The following UST variants were observed in gnomAD, a reference collection of about 807,000 sequenced individuals.
UST encodes the protein uronyl 2-sulfotransferase, also known as chondroitin sulfate 2-O-sulfotransferase.
A neutral mutation model predicts 45.6 loss-of-function variants in UST; 21 were observed. The observed-to-expected ratio is 0.46, with a 90% confidence interval of 0.33 to 0.66. The LOEUF is 0.66. UST is among the 30% of genes least tolerant of loss of function. The pLI, the probability that UST is intolerant of heterozygous loss-of-function variation, is 0.02. For synonymous variants in UST, 215 were observed against 200.6 expected (o/e 1.07, Z -0.61); for missense variants, 463 against 512.4 (o/e 0.90, Z 0.93).
chr6:148,771,707 T>C (rs1317694990), intron 1 of UST, among the ~76,000 whole-genome samples: 1 of 152,236 alleles, frequency 6.6e-6, no homozygotes, highest in Admixed American at 6.5e-5. Context: ...CAACTGAGCC[T>C]GTCTGAACTT....
intron 7 of UST, among the ~76,000 whole-genome samples, chr6:149,060,529 A>G (rs1031743149): frequency 3.3e-5 from 5 of 152,188 alleles, no homozygotes; most frequent in African/African-American, 1.2e-4. Context: ...TAATTCAGGA[A>G]ATGAGTTTAC....
chr6:148,832,118 G>T (rs1777699603), intron 1 of UST, among the ~76,000 whole-genome samples: 1 of 152,202 alleles, frequency 6.6e-6, no homozygotes, highest in Admixed American at 6.5e-5. Flanking sequence ...AACCTCCTAA[G>T]TAGCTGGGAT....
At chr6:148,785,440 G>A (rs978475909) in intron 1 of UST, among the ~76,000 whole-genome samples, 14 of 152,184 alleles carry the variant, frequency 9.2e-5, no homozygotes, top group African/African-American at 3.4e-4. Context: ...AAAGGTTGTT[G>A]TGAGGGTTAA....
At chr6:149,016,762 T>A (rs1423168116) in intron 5 of UST, among the ~76,000 whole-genome samples, 1 of 152,174 alleles carries the variant, frequency 6.6e-6, no homozygotes, top group East Asian at 1.9e-4. Flanking sequence ...ATGTTCCCCA[T>A]CACTTTACTC....
At chr6:148,899,746 T>C (rs1402896568) in intron 2 of UST, among the ~76,000 whole-genome samples, 2 of 152,240 alleles carry the variant, frequency 1.3e-5, no homozygotes, top group Non-Finnish European at 2.9e-5. Context: ...GCCCTGCACG[T>C]CACTTTCTGC....
At chr6:148,788,160 T>C (rs1253224575) in intron 1 of UST, among the ~76,000 whole-genome samples, 1 of 152,158 alleles carries the variant, frequency 6.6e-6, no homozygotes, top group Non-Finnish European at 1.5e-5. Flanking sequence ...TTTCTTCTTA[T>C]CAAACCATCA....
At chr6:148,851,514 A>G (rs548979842) in intron 1 of UST, among the ~76,000 whole-genome samples, 91 of 152,222 alleles carry the variant, frequency 6.0e-4, no homozygotes, top group Non-Finnish European at 8.1e-4. Flanking sequence ...GCAAATCTCT[A>G]TGCATATATA....
chr6:148,974,917 C>T (rs1197491737), intron 5 of UST, among the ~76,000 whole-genome samples: 3 of 152,192 alleles, frequency 2.0e-5, no homozygotes, highest in Non-Finnish European at 2.9e-5. Flanking sequence ...TGTCCCGTTA[C>T]CCTCTGCAGA....
intron 1 of UST, among the ~76,000 whole-genome samples, chr6:148,796,165 G>A (rs1036917907): frequency 2.6e-5 from 4 of 152,182 alleles, no homozygotes; most frequent in Non-Finnish European, 5.9e-5. Context: ...GGATTGAGAT[G>A]AGAAGCATGG....
intron 1 of UST, among the ~76,000 whole-genome samples, chr6:148,813,934 C>T (rs1189254246): frequency 1.3e-5 from 2 of 152,128 alleles, no homozygotes; most frequent in Admixed American, 1.3e-4. Flanking sequence ...TCCACACCCC[C>T]CCTTTGCCAT....
intron 1 of UST, among the ~76,000 whole-genome samples, chr6:148,838,563 C>T (rs1008376943): frequency 2.6e-5 from 4 of 152,098 alleles, no homozygotes; most frequent in Admixed American, 1.3e-4. Context: ...GGTCCATAGA[C>T]GTCACTGTCA....
At chr6:148,899,225 A>C (rs1052890320) in intron 2 of UST, among the ~76,000 whole-genome samples, 2 of 147,408 alleles carry the variant, frequency 1.4e-5, no homozygotes, top group Non-Finnish European at 3.0e-5. Flanking sequence ...TCAGCCTCCC[A>C]AGTAGCTGGG....
chr6:149,006,190 C>G (rs1198614145), intron 5 of UST, among the ~76,000 whole-genome samples: 1 of 152,192 alleles, frequency 6.6e-6, no homozygotes, highest in African/African-American at 2.4e-5. Flanking sequence ...AACCCATCAC[C>G]TAGGTATTAA....
chr6:148,922,003 T>C (rs192245678), intron 2 of UST, among the ~76,000 whole-genome samples: 65 of 152,246 alleles, frequency 4.3e-4, no homozygotes, highest in Admixed American at 9.2e-4. Context: ...ACCTCAGATT[T>C]AACATGAGAG....
intron 5 of UST, among the ~76,000 whole-genome samples, chr6:148,979,026 A>C (rs1781078786): frequency 6.6e-6 from 1 of 152,166 alleles, no homozygotes; most frequent in South Asian, 2.1e-4. Flanking sequence ...CTAGTAATAG[A>C]AAAACCTAAG....
intron 1 of UST, among the ~76,000 whole-genome samples, chr6:148,816,526 A>G (rs1315713006): frequency 1.3e-5 from 2 of 152,258 alleles, no homozygotes; most frequent in Admixed American, 6.5e-5. Flanking sequence ...AGAAGTTAAT[A>G]GAATTCTATA....
At chr6:148,850,110 A>G (rs943456946) in intron 1 of UST, among the ~76,000 whole-genome samples, 1 of 152,084 alleles carries the variant, frequency 6.6e-6, no homozygotes, top group Non-Finnish European at 1.5e-5. Flanking sequence ...TACCCACTTT[A>G]TATTTCTATG....
intron 1 of UST, among the ~76,000 whole-genome samples, chr6:148,837,832 A>G (rs1045773716): frequency 2.0e-5 from 3 of 152,036 alleles, no homozygotes; most frequent in African/African-American, 7.2e-5. Context: ...TCCCCCAAGT[A>G]GCTGGGACTA....
chr6:148,909,380 G>A (rs546459600), intron 2 of UST, among the ~76,000 whole-genome samples: 25 of 152,242 alleles, frequency 1.6e-4, no homozygotes, highest in Non-Finnish European at 2.8e-4. Flanking sequence ...GCTTCCTACC[G>A]CTCAGATACG....
Sources: gnomAD v4.1 joint callset for allele counts (sites outside exome capture counted in the v4.1 genomes callset) on GRCh38, gnomAD v4.1.1 for gene constraint, MANE v1.5 for transcripts, NCBI Gene and HGNC (gene_info 2026-07-23, HGNC 2026-07-21) for gene names.